The following GRM7 variants were observed in gnomAD, a reference collection of about 807,000 sequenced individuals.
The protein encoded by GRM7 is metabotropic glutamate receptor 7.
A neutral mutation model predicts 84.5 loss-of-function variants in GRM7; 35 were observed. The ratio of observed to expected loss-of-function variants is 0.41; its 90% CI spans 0.32 to 0.55. GRM7 has a LOEUF of 0.55. Ranked by LOEUF, GRM7 falls within the 20% of genes least tolerant of loss-of-function variation. The probability of loss-of-function intolerance (pLI) is 0.19; values close to 1 mark genes in which losing one functional copy is unlikely to be tolerated. For missense variants in GRM7, 1,003 were observed against 1,194.6 expected (o/e 0.84, Z 2.36); for synonymous variants, 487 against 455.1 (o/e 1.07, Z -0.89).
chr3:7,611,613 G>C (rs547266137), intron 8 of GRM7, among the ~76,000 whole-genome samples: 1 of 152,134 alleles, frequency 6.6e-6, no homozygotes, highest in Admixed American at 6.6e-5. Flanking sequence ...CCAAGAACTG[G>C]ATAAGGAAAC....
At chr3:6,916,303 T>C (rs1476774248) in intron 1 of GRM7, among the ~76,000 whole-genome samples, 1 of 152,088 alleles carries the variant, frequency 6.6e-6, no homozygotes, top group African/African-American at 2.4e-5. Context: ...ATGTAAAATA[T>C]AAAATAAATA....
intron 2 of GRM7, among the ~76,000 whole-genome samples, chr3:7,276,797 T>TCCCTTC (rs1553641244): frequency 7.0e-4 from 1 of 1,424 alleles, no homozygotes; most frequent in Non-Finnish European, 1.7e-3. Context: ...CTTCCTTCCT[T>TCCCTTC]CCTTCCTTTT....
intron 7 of GRM7, among the ~76,000 whole-genome samples, chr3:7,555,220 T>C (rs914061395): frequency 6.6e-6 from 1 of 152,188 alleles, no homozygotes. Context: ...AAGTGTACCA[T>C]TACTGTTAAA....
chr3:7,055,312 C>G (rs562936263), intron 1 of GRM7, among the ~76,000 whole-genome samples: 1 of 151,796 alleles, frequency 6.6e-6, no homozygotes, highest in South Asian at 2.1e-4. Context: ...AGTTTCCAAA[C>G]AAGCTGGGTG....
At chr3:7,177,047 T>A (rs1212113248) in intron 2 of GRM7, among the ~76,000 whole-genome samples, 1 of 152,162 alleles carries the variant, frequency 6.6e-6, no homozygotes, top group Non-Finnish European at 1.5e-5. Context: ...GACTCCAAAT[T>A]TTTCTGAATC....
chr3:7,052,774 A>G (rs1697057341), intron 1 of GRM7, among the ~76,000 whole-genome samples: 1 of 134,066 alleles, frequency 7.5e-6, no homozygotes, highest in South Asian at 2.2e-4. Flanking sequence ...TGAATACATC[A>G]CAGTTTGGCT....
intron 1 of GRM7, among the ~76,000 whole-genome samples, chr3:7,018,108 G>A (rs989005679): frequency 1.3e-5 from 2 of 152,140 alleles, no homozygotes; most frequent in Non-Finnish European, 2.9e-5. Flanking sequence ...AGAAACAGGT[G>A]AAATTTTAAT....
chr3:7,679,399 A>C (rs1700267411), intron 8 of GRM7, among the ~76,000 whole-genome samples: 2 of 151,762 alleles, frequency 1.3e-5, no homozygotes, highest in Middle Eastern at 6.8e-3. Flanking sequence ...ACAACTCCAG[A>C]ATAAGGCGTT....
chr3:7,496,968 A>C (rs368836072), intron 7 of GRM7, among the ~76,000 whole-genome samples: 105 of 151,994 alleles, frequency 6.9e-4, no homozygotes, highest in African/African-American at 2.4e-3. Context: ...AAATTAAAGA[A>C]TAAAAATAGG....
chr3:7,523,806 A>G (rs1700688807), intron 7 of GRM7, among the ~76,000 whole-genome samples: 1 of 152,244 alleles, frequency 6.6e-6, no homozygotes, highest in Middle Eastern at 3.4e-3. Flanking sequence ...TTAAGGACAG[A>G]TATGGAAATG....
At position 6,877,719 on chromosome 3, in the gene GRM7, A is replaced by T. The variant is rs146301128; in HGVS notation, c.519+15812A>T. ...CATCGGGAAGAAAATAGGCCACTGG[A>T]TATAATTTCCTCAATTAAAAAATTT... On this transcript the variant is annotated intron_variant, in intron 1 of 9. Coordinates refer to ENST00000357716, the MANE Select transcript of GRM7 (RefSeq NM_000844.4). Among the ~76,000 whole-genome samples the T allele has an allele frequency of 4.3e-3, 662 of 152,224 alleles. 29 individuals are homozygous for T. The highest frequency in any genetic ancestry group is 0.041 in the Admixed American group (624 of 15,268).
At chr3:7,505,077 G>A (rs924922234) in intron 7 of GRM7, among the ~76,000 whole-genome samples, 14 of 152,224 alleles carry the variant, frequency 9.2e-5, no homozygotes, top group African/African-American at 3.4e-4. Flanking sequence ...CCAGGAGAGG[G>A]AAAGGAAGCA....
chr3:7,602,217 T>G (rs1696351793), intron 8 of GRM7, among the ~76,000 whole-genome samples: 1 of 151,910 alleles, frequency 6.6e-6, no homozygotes. Flanking sequence ...TGGAATGGAA[T>G]TGCACACGGA....
chr3:7,436,727 G>T (rs1697071767), intron 5 of GRM7, among the ~76,000 whole-genome samples: 1 of 152,110 alleles, frequency 6.6e-6, no homozygotes, highest in African/African-American at 2.4e-5. Context: ...TCCAACTCTT[G>T]CCATTTCACA....
At chr3:7,103,816 T>TTCTCTCTC (rs796785372) in intron 1 of GRM7, among the ~76,000 whole-genome samples, 1,219 of 89,078 alleles carry the variant, frequency 0.014, 88 homozygotes, top group African/African-American at 0.042. Flanking sequence ...CTTTCTTTCT[T>TTCTCTCTC]TCTCTCTCTC....
intron 7 of GRM7, among the ~76,000 whole-genome samples, chr3:7,482,394 C>T (rs752703432): frequency 7.0e-4 from 106 of 152,052 alleles, no homozygotes; most frequent in Non-Finnish European, 1.3e-3. Flanking sequence ...AGTGTAGCTG[C>T]AGATAGGAGG....
intron 1 of GRM7, among the ~76,000 whole-genome samples, chr3:7,051,964 T>A (rs895965901): frequency 2.6e-5 from 4 of 151,746 alleles, no homozygotes; most frequent in East Asian, 1.9e-4. Flanking sequence ...TTAATTAATT[T>A]TTTTTTGTGC....
chr3:7,442,399 T>C lies in GRM7; in HGVS notation c.1175-10208T>C, dbSNP rs77345907. Among the ~76,000 whole-genome samples, 298 of 152,310 alleles carry C rather than the reference T, an allele frequency of 2.0e-3. 1 individual carries two copies. Among genetic ancestry groups the C allele is most frequent in the African/African-American group, 6.9e-3 (288 of 41,582 alleles). ...GTCTTATAGGAATGAATTCACAGCATCTTCAAACAGAGATAGTTTGACTTT... is the reference window on the plus strand; with the variant it reads ...GTCTTATAGGAATGAATTCACAGCACCTTCAAACAGAGATAGTTTGACTTT... On this transcript the variant is annotated intron_variant, in intron 5 of 9. Transcript: ENST00000357716.
intron 8 of GRM7, among the ~76,000 whole-genome samples, chr3:7,639,992 T>G (rs77070956): frequency 0.13 from 20,063 of 152,208 alleles, 1,606 homozygotes; most frequent in Non-Finnish European, 0.18. Flanking sequence ...CTCAATTTAT[T>G]TTTTGAGATT....
Sources: allele counts gnomAD v4.1 joint callset (sites outside exome capture counted in the v4.1 genomes callset), GRCh38; gene constraint gnomAD v4.1.1; transcripts MANE v1.5; gene names NCBI Gene and HGNC (gene_info 2026-07-23, HGNC 2026-07-21).